Variants in ESPL1 observed in about 807,000 individuals in gnomAD.
ESPL1 encodes the protein separin.
In ESPL1, 50 loss-of-function variants were observed where a neutral mutation model predicts 217.2. The observed-to-expected ratio is 0.23, with a 90% confidence interval of 0.18 to 0.29. ESPL1 has a LOEUF of 0.29. Ranked by LOEUF, ESPL1 falls within the 10% of genes least tolerant of loss-of-function variation. The probability of loss-of-function intolerance (pLI) is 1.00; values close to 1 mark genes in which losing one functional copy is unlikely to be tolerated. For missense variants in ESPL1, 1,834 were observed against 2,603.0 expected, an observed-to-expected ratio of 0.70 and a Z score of 6.43; for synonymous variants, 994 against 1,081.3, an observed-to-expected ratio of 0.92 and a Z score of 1.58.
chr12:53,292,861 C>T lies in ESPL1; in HGVS notation c.6052C>T (p.Leu2018=), dbSNP rs1177087070. Residue 2018 remains leucine, a synonymous_variant, in exon 30 of 31, where the codon CTG becomes TTG. Transcript: ENST00000257934. The surrounding 1 kb of genome is among the most constrained non-coding windows in gnomAD (Gnocchi z 4.5). ...RFLDGQAVLR[L]SCRAVALLFG... ...CCTTGATGGGCAGGCTGTCCTGCGG[C>T]TGAGCTGTCGGGCAGTGGCCCTGCT... is the stretch of plus-strand genomic sequence containing the variant. 6.2e-7 allele frequency: 1 copy of T among 1,612,764 alleles called. No homozygotes were observed. The highest frequency in any genetic ancestry group is 1.3e-5 in the African/African-American group (1 of 74,936).
chr12:53,277,434 C>G lies in ESPL1; in HGVS notation c.2086-36C>G, dbSNP rs545810372. 48 of 1,605,532 alleles carry G rather than the reference C, an allele frequency of 3.0e-5. No individual in the cohort carries two copies. The South Asian group carries it at 5.0e-4, about 17-fold the overall frequency. On this transcript the variant is annotated intron_variant, in intron 9 of 30. Transcript: ENST00000257934. ...TAGCCAGGACGATAGGCCCACACCA[C>G]TGTGCCCTGTTTTATACCCCGATCT...
At position 53,269,925 on chromosome 12, in the gene ESPL1, C is replaced by A; in HGVS notation, c.983C>A (p.Ala328Glu). The A allele has an allele frequency of 6.2e-7, 1 of 1,614,186 alleles. No individual in the cohort carries two copies. ...ASAVLSKSME[A>E]PSPPLRALYE... ...GCTGTCCTGAGCAAGAGTATGGAGG[C>A]ACCATCACCCCCACTTCGGGCATTG... Residue 328 changes from alanine to glutamate, a missense_variant, in exon 3 of 31, where the codon GCA becomes GAA. This residue lies in a region of ESPL1 where 746 missense variants were observed against 1,077.0 expected (regional missense o/e 0.69). Coordinates refer to ENST00000257934, the MANE Select transcript of ESPL1 (RefSeq NM_012291.5). The surrounding 1 kb of genome is among the most constrained non-coding windows in gnomAD (Gnocchi z 6.7).
At chr12:53,276,187 A>G (rs1943762739) in intron 7 of ESPL1, among the ~76,000 whole-genome samples, 1 of 152,158 alleles carries the variant, frequency 6.6e-6, no homozygotes, top group African/African-American at 2.4e-5. Flanking sequence ...CAGCCTGGGC[A>G]ACAGAGTGAG....
intron 16 of ESPL1, 59 bp from the exon 17 acceptor site, chr12:53,283,999 A>G (rs1943905426): frequency 7.8e-7 from 1 of 1,276,392 alleles, no homozygotes; most frequent in Middle Eastern, 1.9e-4. Context: ...GCAAAGAGAA[A>G]GACTCTCCAG....
Position 53,269,133 on chromosome 12 carries a change from A to T in ESPL1, c.191A>T (p.Lys64Met), listed in dbSNP as rs998311078. 6.8e-6 allele frequency: 11 copies of T among 1,614,194 alleles called. No individual in the cohort carries two copies. The highest frequency in any genetic ancestry group is 9.3e-6 in the Non-Finnish European group (11 of 1,180,038). ...GCTTGCAACCAGCAGCTGACTGCTA[A>T]GCTAGCTTGCCCTAGGCATCTGGGG... ...LRACNQQLTAKLACPRHLGSL... is the reference protein window; with the variant it reads ...LRACNQQLTAMLACPRHLGSL... Residue 64 changes from lysine to methionine, a missense_variant, in exon 3 of 31, where the codon AAG (lysine) becomes ATG (methionine). By Grantham distance (95) the Lys-to-Met change is moderately conservative. This residue lies in a region of ESPL1 where 746 missense variants were observed against 1,077.0 expected (regional missense o/e 0.69). Coordinates refer to ENST00000257934, the MANE Select transcript of ESPL1 (RefSeq NM_012291.5). The surrounding 1 kb of genome is among the most constrained non-coding windows in gnomAD (Gnocchi z 6.7).
Position 53,272,769 on chromosome 12 carries a change from A to G in ESPL1, c.1418A>G (p.Tyr473Cys). Residue 473 changes from tyrosine (Y) to cysteine (C), a missense_variant, in exon 6 of 31, where the codon TAT (tyrosine) becomes TGT (cysteine). Around this residue, in one of 5 missense-constraint regions of ESPL1, gnomAD observed 746 missense variants for 1,077.0 expected, o/e 0.69. Transcript: ENST00000257934. ...TACAGCTTCTATAGTCACAAGCTCT[A>G]TGCCGAGGCCTGTGCCATCTCTGAG... ...LAYSFYSHKL[Y>C]AEACAISEPL... The G allele has an allele frequency of 6.2e-7, 1 of 1,614,134 alleles. No individual in the cohort carries two copies. Among genetic ancestry groups the G allele is most frequent in the Non-Finnish European group, 8.5e-7 (1 of 1,180,012 alleles).
chr12:53,290,564 C>T, intron 24 of ESPL1, 95 bp downstream of exon 24: 1 of 1,354,528 alleles, frequency 7.4e-7, no homozygotes, highest in South Asian at 1.2e-5. Flanking sequence ...AGTGCTAAAG[C>T]CACTTCAAAT....
Position 53,289,513 on chromosome 12 carries a change from T to A in ESPL1, c.5032T>A (p.Ser1678Thr). 6.2e-7 allele frequency: 1 copy of A among 1,614,184 alleles called. No homozygotes were observed. Among genetic ancestry groups the A allele is most frequent in the African/African-American group, 1.3e-5 (1 of 75,058 alleles). ...VPLARIQRLF[S>T]FRALESGHFP... The stretch of plus-strand genomic sequence containing the variant: ...CCTGGCCCGCATCCAGCGCCTCTTT[T>A]CCTTCAGGGCTTTGGAATCTGGCCA... The change falls in exon 22 of 31, where the codon TCC becomes ACC. Residue 1678 changes from serine (S) to threonine (T), a missense_variant. By Grantham distance (58) the Ser-to-Thr change is moderately conservative. Transcript: ENST00000257934.
chr12:53,283,521 G>A lies in ESPL1; in HGVS notation c.3060G>A (p.Lys1020=). 6.2e-7 allele frequency: 1 copy of A among 1,614,152 alleles called. No individual in the cohort carries two copies. Among genetic ancestry groups the A allele is most frequent in the South Asian group, 1.1e-5 (1 of 91,088 alleles). ...TGGAGGCCCTAAAACTTACAACAAAGCTGCAGATACCACGCCAGTAAGTAC... is the reference window on the plus strand; with the variant it reads ...TGGAGGCCCTAAAACTTACAACAAAACTGCAGATACCACGCCAGTAAGTAC... The part of the protein sequence containing the change: ...FCLEALKLTT[K]LQIPRQCALF... The change falls in exon 16 of 31, where the codon AAG becomes AAA. Residue 1020 remains lysine (K), a synonymous_variant. Transcript: ENST00000257934.
chr12:53,278,091 C>G, intron 11 of ESPL1, 131 bp downstream of exon 11: 1 of 939,042 alleles, frequency 1.1e-6, no homozygotes, highest in South Asian at 1.6e-5. Context: ...AGGGCTGTAT[C>G]ACCAGTCTTA....
chr12:53,272,857 G>C lies in ESPL1; in HGVS notation c.1506G>C (p.Lys502Asn). ...PGTYPEVPPE[K>N]LHRCFRLQVE... Reference sequence around the variant, plus strand: ...CTTATCCCGAGGTGCCTCCTGAGAAGGTACAAGGGAATGAGAGATGCAGGA... The same window carrying C: ...CTTATCCCGAGGTGCCTCCTGAGAACGTACAAGGGAATGAGAGATGCAGGA... Residue 502 changes from lysine (K) to asparagine (N), a missense_variant and splice_region_variant, in exon 6 of 31, where the codon AAG (lysine) becomes AAC (asparagine). By Grantham distance (94) the Lys-to-Asn change is moderately conservative. This residue lies in a region of ESPL1 where 746 missense variants were observed against 1,077.0 expected (regional missense o/e 0.69). Transcript: ENST00000257934. The C allele has an allele frequency of 6.2e-7, 1 of 1,613,634 alleles. No homozygotes were observed. The highest frequency in any genetic ancestry group is 8.5e-7 in the Non-Finnish European group (1 of 1,179,958).
rs1247189342 is a variant in ESPL1, at chr12:53,282,523, GCTAA to G, written c.2791+92_2791+95del. On this transcript the variant is annotated intron_variant, in intron 14 of 30. Coordinates refer to ENST00000257934, the MANE Select transcript of ESPL1 (RefSeq NM_012291.5). This position sits in a 1 kb window ranked among gnomAD's most constrained non-coding sequence, Gnocchi z 4.0. ...TTCTCAAACCTCATCCCCTCTGCTGGCTAACTATGTGGCCCAGCCTACCTAGAAC... is the reference window on the plus strand; with the variant it reads ...TTCTCAAACCTCATCCCCTCTGCTGGCTATGTGGCCCAGCCTACCTAGAAC... The G allele has an allele frequency of 7.8e-7, 1 of 1,277,188 alleles. No homozygotes were observed. The highest frequency in any genetic ancestry group is 1.5e-5 in the African/African-American group (1 of 68,140). 79.1% of individuals were successfully genotyped at this position (1,277,188 alleles called of 1,614,324 possible). A position where few individuals can be genotyped will look rare whatever the true frequency, so the allele number is the denominator to read the frequency against.
chr12:53,290,801 G>C, intron 24 of ESPL1, 40 bp from the exon 25 acceptor site: 1 of 1,074,708 alleles, frequency 9.3e-7, no homozygotes, highest in Non-Finnish European at 1.1e-6. Context: ...AAAGAAGCTT[G>C]GTTTCCTCTC....
intron 17 of ESPL1, among the ~76,000 whole-genome samples, chr12:53,285,532 C>T (rs1693546975): frequency 1.3e-5 from 2 of 152,154 alleles, no homozygotes; most frequent in Middle Eastern, 3.4e-3. Context: ...CACGGTGAAA[C>T]CCCGTCTCCA....
In ESPL1 at chr12:53,283,234, T is replaced by C; in HGVS notation, c.2897T>C (p.Val966Ala). 2 of 1,614,190 alleles carry C rather than the reference T, an allele frequency of 1.2e-6. No homozygotes were observed. Among genetic ancestry groups the C allele is most frequent in the Non-Finnish European group, 1.7e-6 (2 of 1,180,040 alleles). Residue 966 changes from valine to alanine, a missense_variant, in exon 15 of 31, where the codon GTG becomes GCG. Physicochemically the swap from Val to Ala is moderately conservative, Grantham distance 64. Transcript: ENST00000257934. ...SDILSTQKAAVETSFLDYGEN... is the reference protein window; with the variant it reads ...SDILSTQKAAAETSFLDYGEN... ...ATTCTCTCAACTCAGAAAGCAGCTG[T>C]GGAGACATCGTTTTTGGACTATGGT...
chr12:53,288,824 C>G (rs1388715029), intron 20 of ESPL1, 125 bp downstream of exon 20: 1 of 766,638 alleles, frequency 1.3e-6, no homozygotes. Context: ...GTGTTTGAAC[C>G]CCAGCACTCT....
rs184947855 is a variant in ESPL1 at position 53,293,276 on chromosome 12, C to T, written c.6165C>T (p.Pro2055=). ...IVLKYIMAGC[P]LFLGNLWDVT... is the part of the protein sequence containing the mutation. ...TTTCCTCCTTTTCTTTTCCCAGCCC[C>T]TTGTTTCTGGGTAATCTCTGGGATG... Residue 2055 remains proline, a synonymous_variant, in exon 31 of 31, where the codon CCC becomes CCT. Transcript: ENST00000257934. This position sits in a 1 kb window ranked among gnomAD's most constrained non-coding sequence, Gnocchi z 4.2. 1.5e-4 allele frequency: 245 copies of T among 1,613,550 alleles called. 2 individuals carry two copies. In the East Asian group the frequency reaches 4.8e-3, roughly 32 times the overall value.
chr12:53,289,810 G>C lies in ESPL1; in HGVS notation c.5113+216G>C, dbSNP rs114378424. On this transcript the variant is annotated intron_variant, in intron 22 of 30. Transcript: ENST00000257934. ...AGCAAATTCAGTGTCTTTCCTCAGA[G>C]GTGAGTTCAGATGACTGGGGTCTTC... is the stretch of plus-strand genomic sequence containing the variant. 1,991 of 607,028 alleles carry C rather than the reference G, an allele frequency of 3.3e-3. 26 individuals carry two copies. The African/African-American group carries it at 0.033, about 10-fold the overall frequency. 37.6% of individuals were successfully genotyped at this position (607,028 alleles called of 1,614,324 possible).
intron 3 of ESPL1, 128 bp downstream of exon 3, chr12:53,270,213 G>T: frequency 1.0e-6 from 1 of 995,536 alleles, no homozygotes; most frequent in Non-Finnish European, 1.5e-6. Context: ...AGTGCCTAGC[G>T]AGCCAGCAAA....
Sources: gnomAD v4.1 joint callset for allele counts (sites outside exome capture counted in the v4.1 genomes callset) on GRCh38, gnomAD v4.1.1 for gene constraint, gnomAD v4.1.1 regional missense constraint, Gnocchi (gnomAD v3.1) non-coding constraint, MANE v1.5 for transcripts, NCBI Gene and HGNC (gene_info 2026-07-23, HGNC 2026-07-21) for gene names.